GRID2: variants seen among roughly 807,000 people sequenced by gnomAD.
GRID2 encodes the protein glutamate ionotropic receptor delta type subunit 2.
GRID2 carries 33 observed loss-of-function variants against 114.8 expected under a neutral mutation model. The observed-to-expected ratio is 0.29, with a 90% CI of 0.22 to 0.38. The LOEUF (loss-of-function observed/expected upper bound fraction) is 0.38, where lower values mean the gene tolerates loss of function less well. Among genes scored for constraint, GRID2 ranks in the 10% least tolerant of loss-of-function variants. The pLI, the probability that GRID2 is intolerant of heterozygous loss-of-function variation, is 1.00. For synonymous variants in GRID2, 505 were observed against 449.9 expected (o/e 1.12, Z -1.55); for missense variants, 1,184 against 1,257.7 (o/e 0.94, Z 0.89).
chr4:93,074,587 G>C lies in GRID2; in HGVS notation c.245-10408G>C, dbSNP rs568729244. On this transcript the variant is annotated intron_variant, in intron 2 of 15. Transcript: ENST00000282020. ...ATTGACAATCACAGCTTCTACCTCA[G>C]AAAAAGAAAATCAAACTAAACTGAA... is the stretch of plus-strand genomic sequence containing the variant. Among the ~76,000 whole-genome samples, 4 of 152,084 alleles carry C rather than the reference G, an allele frequency of 2.6e-5. No individual in the cohort carries two copies. In the South Asian group the frequency reaches 8.3e-4, roughly 32 times the overall value.
chr4:92,673,070 G>A lies in GRID2; in HGVS notation c.244+82784G>A, dbSNP rs555881365. On this transcript the variant is annotated intron_variant, in intron 2 of 15. Coordinates refer to ENST00000282020, the MANE Select transcript of GRID2 (RefSeq NM_001510.4). Reference sequence around the variant, plus strand: ...ACAAATAAGTGAGAACGTGCAATATGTGTCTTTGTGGGATTGGCTTATTTA... The same window carrying A: ...ACAAATAAGTGAGAACGTGCAATATATGTCTTTGTGGGATTGGCTTATTTA... 1.4e-4 allele frequency among the ~76,000 whole-genome samples: 22 copies of A among 152,208 alleles called. No homozygotes were observed. In the South Asian group the frequency reaches 1.9e-3, roughly 13 times the overall value.
rs537299286 is a variant in GRID2 at position 93,168,137 on chromosome 4, G to A, written c.736-39267G>A. On this transcript the variant is annotated intron_variant, in intron 4 of 15. Coordinates refer to ENST00000282020, the MANE Select transcript of GRID2 (RefSeq NM_001510.4). ...TTTGAACCCATGAGGCAGAGTTTGC[G>A]GTGAGCCGTGATTGAGATCGCAGCA... is the stretch of plus-strand genomic sequence containing the variant. Among the ~76,000 whole-genome samples the A allele has an allele frequency of 9.2e-5, 14 of 152,024 alleles. No individual in the cohort carries two copies. The East Asian group carries it at 1.2e-3, about 13-fold the overall frequency.
intron 8 of GRID2, among the ~76,000 whole-genome samples, chr4:93,260,398 T>TG (rs1277051104): frequency 1.4e-5 from 1 of 69,496 alleles, no homozygotes; most frequent in Non-Finnish European, 2.6e-5. Context: ...GTAGTAAATA[T>TG]AAAAAAAAAT....
At chr4:93,367,915 A>G (rs1579841848) in intron 8 of GRID2, among the ~76,000 whole-genome samples, 3 of 152,304 alleles carry the variant, frequency 2.0e-5, no homozygotes, top group South Asian at 2.1e-4. Flanking sequence ...TGATTAAATT[A>G]GAGCAGAAAA....
At chr4:93,683,708 T>C (rs77104245) in intron 14 of GRID2, among the ~76,000 whole-genome samples, 4,651 of 152,228 alleles carry the variant, frequency 0.031, 111 homozygotes, top group African/African-American at 0.062. Flanking sequence ...TATGCCAAGA[T>C]ACATGTTTTT....
At chr4:92,382,254 T>C (rs1181273012) in intron 1 of GRID2, among the ~76,000 whole-genome samples, 2 of 151,914 alleles carry the variant, frequency 1.3e-5, no homozygotes, top group African/African-American at 4.8e-5. Context: ...AAAAAAAATA[T>C]AGATATAGCT....
chr4:93,351,857 T>C (rs989682314), intron 8 of GRID2, among the ~76,000 whole-genome samples: 2 of 152,014 alleles, frequency 1.3e-5, no homozygotes, highest in Admixed American at 1.3e-4. Context: ...ATCTTAATCA[T>C]GACCCAGTGC....
At chr4:92,683,745 A>C (rs1733766324) in intron 2 of GRID2, among the ~76,000 whole-genome samples, 1 of 152,016 alleles carries the variant, frequency 6.6e-6, no homozygotes, top group Admixed American at 6.5e-5. Flanking sequence ...GCATGAAAAC[A>C]AATTTAGCTA....
At chr4:93,345,245 A>T (rs1389311494) in intron 8 of GRID2, among the ~76,000 whole-genome samples, 2 of 152,056 alleles carry the variant, frequency 1.3e-5, no homozygotes, top group Non-Finnish European at 2.9e-5. Flanking sequence ...GTTTTCTATA[A>T]TAGCTATACT....
chr4:93,683,539 C>T (rs1374719098), intron 14 of GRID2, among the ~76,000 whole-genome samples: 2 of 151,990 alleles, frequency 1.3e-5, no homozygotes, highest in East Asian at 3.9e-4. Flanking sequence ...GATTCTGAGT[C>T]GTAAAGTGAG....
intron 2 of GRID2, among the ~76,000 whole-genome samples, chr4:93,075,012 C>T (rs1030919171): frequency 4.6e-5 from 7 of 152,164 alleles, no homozygotes; most frequent in Non-Finnish European, 1.0e-4. Context: ...CAGAAAGTTT[C>T]ACTGGTGAGT....
intron 1 of GRID2, among the ~76,000 whole-genome samples, chr4:92,416,617 C>T (rs1236088379): frequency 2.0e-5 from 3 of 152,162 alleles, no homozygotes; most frequent in African/African-American, 7.2e-5. Flanking sequence ...TATTCTCCTA[C>T]ATGTGGTTTG....
At chr4:92,604,796 G>C (rs1278032032) in intron 2 of GRID2, among the ~76,000 whole-genome samples, 1 of 152,090 alleles carries the variant, frequency 6.6e-6, no homozygotes, top group East Asian at 1.9e-4. Context: ...AGGGATCCAT[G>C]TGAGCACAGA....
chr4:92,582,722 G>A (rs1034646742), intron 1 of GRID2, among the ~76,000 whole-genome samples: 1 of 151,818 alleles, frequency 6.6e-6, no homozygotes, highest in African/African-American at 2.4e-5. Context: ...CAGCGCTTTG[G>A]GATGCAGAGG....
intron 2 of GRID2, among the ~76,000 whole-genome samples, chr4:92,781,050 G>A (rs1433764758): frequency 6.6e-6 from 1 of 152,052 alleles, no homozygotes; most frequent in East Asian, 1.9e-4. Flanking sequence ...TTTGAGACCA[G>A]CTTAACCAAA....
chr4:93,467,726 A>G (rs1020900569), intron 11 of GRID2, among the ~76,000 whole-genome samples: 1 of 152,186 alleles, frequency 6.6e-6, no homozygotes, highest in Non-Finnish European at 1.5e-5. Context: ...GCAGTGTGGC[A>G]CTGCTTAATA....
At chr4:92,940,507 C>T (rs1001707799) in intron 2 of GRID2, among the ~76,000 whole-genome samples, 4 of 152,286 alleles carry the variant, frequency 2.6e-5, no homozygotes, top group African/African-American at 4.8e-5. Context: ...ATCCTGTCAT[C>T]TGCAAACAGG....
intron 5 of GRID2, among the ~76,000 whole-genome samples, chr4:93,215,301 A>G (rs1426197047): frequency 6.6e-6 from 1 of 152,042 alleles, no homozygotes; most frequent in Non-Finnish European, 1.5e-5. Context: ...ACTGCCTTCA[A>G]ATGAAAGTTC....
intron 7 of GRID2, 26 bp from the exon 8 acceptor site, chr4:93,238,345 A>G (rs1156865635): frequency 6.5e-7 from 1 of 1,527,018 alleles, no homozygotes; most frequent in Admixed American, 2.0e-5. Flanking sequence ...CTCAAATTTT[A>G]CATCAGTATC....
Sources: allele counts gnomAD v4.1 joint callset (sites outside exome capture counted in the v4.1 genomes callset), GRCh38; gene constraint gnomAD v4.1.1; transcripts MANE v1.5; gene names NCBI Gene and HGNC (gene_info 2026-07-23, HGNC 2026-07-21).